Variants in COL18A1 observed in about 807,000 individuals in gnomAD.
COL18A1 encodes the protein collagen type XVIII alpha 1 chain.
A neutral mutation model predicts 168.0 loss-of-function variants in COL18A1; 133 were observed. The ratio of observed to expected loss-of-function variants is 0.79; its 90% CI spans 0.69 to 0.91. The LOEUF is 0.91. Among genes scored for constraint, COL18A1 ranks in the 40% least tolerant of loss-of-function variants. The pLI is 0.00. For missense variants in COL18A1, 2,126 were observed against 1,925.4 expected, an observed-to-expected ratio of 1.10 and a Z score of -1.95; for synonymous variants, 949 against 809.0, an observed-to-expected ratio of 1.17 and a Z score of -2.94.
At chr21:45,462,994 C>T (rs901773560) in intron 2 of COL18A1, among the ~76,000 whole-genome samples, 2 of 152,152 alleles carry the variant, frequency 1.3e-5, no homozygotes, top group African/African-American at 4.8e-5. Context: ...TGTCCCTTTC[C>T]CTGGGTGTGT....
Position 45,473,904 on chromosome 21 carries a change from G to A in COL18A1, c.661G>A (p.Ala221Thr), listed in dbSNP as rs777771831. The change falls in exon 4 of 42, where the codon GCT becomes ACT. Residue 221 changes from alanine to threonine, a missense_variant. Physicochemically the swap from Ala to Thr is moderately conservative, Grantham distance 58. Coordinates refer to ENST00000651438, the MANE Select transcript of COL18A1 (RefSeq NM_001379500.1). The surrounding 1 kb of genome is among the most constrained non-coding windows in gnomAD (Gnocchi z 4.0). Reference protein sequence around the residue: ...ADPDKFQGVIAELKVRRDPQV... With the variant: ...ADPDKFQGVITELKVRRDPQV... ...CTCTGTCTGCATTTAGGGGGTGATC[G>A]CTGAGCTGAAGGTGCGCAGGGACCC... The A allele has an allele frequency of 8.1e-6, 13 of 1,602,176 alleles. No homozygotes were observed. Among genetic ancestry groups the A allele is most frequent in the Admixed American group, 1.7e-5 (1 of 58,672 alleles).
chr21:45,442,968 G>A (rs1305030434), intron 2 of COL18A1, among the ~76,000 whole-genome samples: 2 of 140,590 alleles, frequency 1.4e-5, no homozygotes, highest in Non-Finnish European at 3.0e-5. Context: ...TGTGGGTGGT[G>A]GTGCTGGTGT....
chr21:45,464,763 T>C (rs1175251283), intron 2 of COL18A1, among the ~76,000 whole-genome samples: 2 of 152,196 alleles, frequency 1.3e-5, no homozygotes, highest in Non-Finnish European at 2.9e-5. Context: ...CAAGTCCTCA[T>C]GGTGCCATCT....
Position 45,423,412 on chromosome 21 carries a change from G to A in COL18A1, c.106+17939G>A, listed in dbSNP as rs2033685634. On this transcript the variant is annotated intron_variant, in intron 2 of 41. Coordinates refer to ENST00000651438, the MANE Select transcript of COL18A1 (RefSeq NM_001379500.1). The surrounding 1 kb of genome is among the most constrained non-coding windows in gnomAD (Gnocchi z 4.0). ...GTATTCAGTGATTTGCAGAGAGAAAGGCGTGGAGCTCCACAAGCACCTCGG... is the reference window on the plus strand; with the variant it reads ...GTATTCAGTGATTTGCAGAGAGAAAAGCGTGGAGCTCCACAAGCACCTCGG... 1.3e-5 allele frequency among the ~76,000 whole-genome samples: 2 copies of A among 152,228 alleles called. No homozygotes were observed. Among genetic ancestry groups the A allele is most frequent in the East Asian group, 3.8e-4 (2 of 5,202 alleles).
In COL18A1 at chr21:45,480,749, T is replaced by C. The variant is rs749293381; in HGVS notation, c.1502T>C (p.Leu501Pro). ...GPPGPPGVPG[L>P]PGEPGRFGVN... ...CCCGGACCCCCCGGTGTCCCAGGCC[T>C]GCCCGGCGAGCCAGGCCGCTTTGGG... The change falls in exon 13 of 42, where the codon CTG becomes CCG. Residue 501 changes from leucine (L) to proline (P), a missense_variant. Physicochemically the swap from Leu to Pro is moderately conservative, Grantham distance 98. Transcript: ENST00000651438. 1 of 1,610,808 alleles carries C rather than the reference T, an allele frequency of 6.2e-7. No homozygotes were observed. Among genetic ancestry groups the C allele is most frequent in the Non-Finnish European group, 8.5e-7 (1 of 1,179,886 alleles).
Position 45,423,502 on chromosome 21 carries a change from C to T in COL18A1, c.106+18029C>T, listed in dbSNP as rs1259358155. On this transcript the variant is annotated intron_variant, in intron 2 of 41. Transcript: ENST00000651438. This position sits in a 1 kb window ranked among gnomAD's most constrained non-coding sequence, Gnocchi z 4.0. ...CTGGGCGCCCGCCCCCCGCCCCCCGCCCCCCGGAGGGCCCGGCTCCAAGGG... is the reference window on the plus strand; with the variant it reads ...CTGGGCGCCCGCCCCCCGCCCCCCGTCCCCCGGAGGGCCCGGCTCCAAGGG... Among the ~76,000 whole-genome samples, 1 of 148,852 alleles carries T rather than the reference C, an allele frequency of 6.7e-6. No homozygotes were observed. The highest frequency in any genetic ancestry group is 1.5e-5 in the Non-Finnish European group (1 of 67,068).
chr21:45,509,970 G>C, intron 39 of COL18A1, 94 bp from the exon 40 acceptor site: 1 of 1,413,376 alleles, frequency 7.1e-7, no homozygotes, highest in Non-Finnish European at 9.6e-7. Context: ...GGCCGTGCCT[G>C]TCCACACAGG....
At position 45,466,518 on chromosome 21, in the gene COL18A1, G is replaced by T. The variant is rs534400279; in HGVS notation, c.107-1724G>T. 9.2e-5 allele frequency among the ~76,000 whole-genome samples: 14 copies of T among 152,320 alleles called. No individual in the cohort carries two copies. In the East Asian group the frequency reaches 2.5e-3, roughly 27 times the overall value. ...CGGGAAGGCTGAGCTCTCGAAATGG[G>T]GTTCAGGCATTTGCTGTTTGATTCC... On this transcript the variant is annotated intron_variant, in intron 2 of 41. Coordinates refer to ENST00000651438, the MANE Select transcript of COL18A1 (RefSeq NM_001379500.1).
At position 45,475,422 on chromosome 21, in the gene COL18A1, C is replaced by G. The variant is rs544603856; in HGVS notation, c.739-54C>G. ...CTTTGCTTCCCAGGCCTGCCGGGCT[C>G]GGGGCCTGGCCTGGCTGCCATCTCT... On this transcript the variant is annotated intron_variant, in intron 4 of 41. Coordinates refer to ENST00000651438, the MANE Select transcript of COL18A1 (RefSeq NM_001379500.1). 4.1e-5 allele frequency: 61 copies of G among 1,504,682 alleles called. No homozygotes were observed. The African/African-American group carries it at 8.1e-4, about 20-fold the overall frequency. 93.2% of individuals were successfully genotyped at this position (1,504,682 alleles called of 1,614,324 possible). A position where few individuals can be genotyped will look rare whatever the true frequency, so the allele number is the denominator to read the frequency against.
chr21:45,493,013 G>A lies in COL18A1; in HGVS notation c.2215-150G>A, dbSNP rs895185471. The A allele has an allele frequency of 1.4e-3, 1,138 of 822,824 alleles. 13 individuals carry two copies. The highest frequency in any genetic ancestry group is 4.3e-4 in the Non-Finnish European group (213 of 495,888). The allele number at this position is 822,824 out of a possible 1,614,324, so 51.0% of individuals were successfully genotyped here. A position where few individuals can be genotyped will look rare whatever the true frequency, so the allele number is the denominator to read the frequency against. On this transcript the variant is annotated intron_variant, in intron 24 of 41. Transcript: ENST00000651438. Reference sequence around the variant, plus strand: ...GGGGTCACCTGCGGAGGCCTGCAGTGTCCAGAGTGAGGCTGGGGCCGCGAG... The same window carrying A: ...GGGGTCACCTGCGGAGGCCTGCAGTATCCAGAGTGAGGCTGGGGCCGCGAG...
At chr21:45,461,794 A>C (rs2035058564) in intron 2 of COL18A1, among the ~76,000 whole-genome samples, 1 of 152,262 alleles carries the variant, frequency 6.6e-6, no homozygotes, top group African/African-American at 2.4e-5. Context: ...ATTCATAAAA[A>C]GTGCAGTTAC....
At chr21:45,494,604 C>T (rs1249612207) in intron 27 of COL18A1, 33 bp downstream of exon 27, 14 of 1,612,776 alleles carry the variant, frequency 8.7e-6, no homozygotes, top group Non-Finnish European at 1.2e-5. Flanking sequence ...CTGCACTGAG[C>T]TCGGGCATGA....
chr21:45,460,333 G>A (rs113646717), intron 2 of COL18A1, among the ~76,000 whole-genome samples: 37 of 152,266 alleles, frequency 2.4e-4, no homozygotes, highest in Admixed American at 2.3e-3. Flanking sequence ...AGCTGCCACC[G>A]GGGTGCTCGG....
At chr21:45,474,250 A>AGTGTGTGTGT (rs540917328) in intron 4 of COL18A1, among the ~76,000 whole-genome samples, 2 of 151,058 alleles carry the variant, frequency 1.3e-5, no homozygotes, top group African/African-American at 4.9e-5. Flanking sequence ...AGCTCAGCAA[A>AGTGTGTGTGT]GTGTGTGTGT....
Position 45,471,961 on chromosome 21 carries a change from C to T in COL18A1, c.652-1934C>T, listed in dbSNP as rs181047249. Among the ~76,000 whole-genome samples, 8 of 152,246 alleles carry T rather than the reference C, an allele frequency of 5.3e-5. No homozygotes were observed. Among genetic ancestry groups the T allele is most frequent in the African/African-American group, 1.7e-4 (7 of 41,534 alleles). On this transcript the variant is annotated intron_variant, in intron 3 of 41. Transcript: ENST00000651438. This position sits in a 1 kb window ranked among gnomAD's most constrained non-coding sequence, Gnocchi z 4.4. ...CCACCCCCGGAGCCAGCGGCCACCA[C>T]GGGCTCAGAGCTTCTCTGCCCTCTG...
At chr21:45,492,420 A>G (rs2036384406) in intron 22 of COL18A1, 115 bp from the exon 23 acceptor site, 1 of 1,329,666 alleles carries the variant, frequency 7.5e-7, no homozygotes. Context: ...ACTGGAAAGC[A>G]ACATTTTCCT....
intron 2 of COL18A1, among the ~76,000 whole-genome samples, chr21:45,412,223 C>G (rs2033318343): frequency 7.0e-6 from 1 of 142,836 alleles, no homozygotes; most frequent in Admixed American, 7.5e-5. Flanking sequence ...ATTTCTTTAA[C>G]TGGGGGTATA....
At position 45,482,789 on chromosome 21, in the gene COL18A1, G is replaced by C; in HGVS notation, c.1675-6G>C. On this transcript the variant is annotated splice_polypyrimidine_tract_variant and splice_region_variant and intron_variant, in intron 14 of 41. Coordinates refer to ENST00000651438, the MANE Select transcript of COL18A1 (RefSeq NM_001379500.1). ...TTTTGTCATAATCCTGCTCTTTTCC[G>C]TACAGGGTGAAGCAGGCGCCCCAGG... 1 of 1,614,166 alleles carries C rather than the reference G, an allele frequency of 6.2e-7. No homozygotes were observed. Among genetic ancestry groups the C allele is most frequent in the Non-Finnish European group, 8.5e-7 (1 of 1,180,040 alleles).
rs1376179059 is a variant in COL18A1, at chr21:45,456,458, AACTCTGTGGG to A, written c.107-11783_107-11774del. 11 of 1,544,790 alleles carry A rather than the reference AACTCTGTGGG, an allele frequency of 7.1e-6. No individual in the cohort carries two copies. In the Admixed American group the frequency reaches 2.2e-4, roughly 30 times the overall value. On this transcript the variant is annotated intron_variant, in intron 2 of 41. Coordinates refer to ENST00000651438, the MANE Select transcript of COL18A1 (RefSeq NM_001379500.1). ...CGGTGCTTGGGTCTCCCACGTGGCT[AACTCTGTGGG>A]GCCGGGTCTTGCTAATAACTCTGCC...
Sources: allele counts gnomAD v4.1 joint callset (sites outside exome capture counted in the v4.1 genomes callset), GRCh38; gene constraint gnomAD v4.1.1; non-coding constraint Gnocchi (gnomAD v3.1); transcripts MANE v1.5; gene names NCBI Gene and HGNC (gene_info 2026-07-23, HGNC 2026-07-21).